Variants in LIMK1 observed in about 807,000 individuals in gnomAD.
LIMK1 encodes the protein LIM domain kinase 1.
A neutral mutation model predicts 77.6 loss-of-function variants in LIMK1; 21 were observed. That is an observed-to-expected ratio of 0.27 (90% CI 0.19 to 0.39). The LOEUF (loss-of-function observed/expected upper bound fraction) is 0.39, where lower values mean the gene tolerates loss of function less well. Among genes scored for constraint, LIMK1 ranks in the 10% least tolerant of loss-of-function variants. The pLI, the probability that LIMK1 is intolerant of heterozygous loss-of-function variation, is 1.00. For synonymous variants in LIMK1, 358 were observed against 370.0 expected (o/e 0.97, Z 0.37); for missense variants, 696 against 901.6 (o/e 0.77, Z 2.92).
At chr7:74,084,216 C>T (rs998312338) in intron 1 of LIMK1, among the ~76,000 whole-genome samples, 171 bp downstream of exon 1, 3 of 151,780 alleles carry the variant, frequency 2.0e-5, no homozygotes, top group Non-Finnish European at 2.9e-5. Flanking sequence ...CCCGGGATCC[C>T]CCTCCCCGGC....
At chr7:74,097,272 G>A in intron 4 of LIMK1, 83 bp downstream of exon 4, 2 of 805,982 alleles carry the variant, frequency 2.5e-6, no homozygotes, top group Non-Finnish European at 3.9e-6. Context: ...CCACACCCGG[G>A]CCTCCTGCCC....
chr7:74,096,864 G>T (rs1274215466), intron 3 of LIMK1, 104 bp downstream of exon 3: 33 of 1,415,232 alleles, frequency 2.3e-5, no homozygotes, highest in Non-Finnish European at 2.9e-5. Context: ...TCTCCTTTTT[G>T]CTGGTCTTTG....
chr7:74,085,322 C>T lies in LIMK1; in HGVS notation c.56-426C>T, dbSNP rs1471244423. Among the ~76,000 whole-genome samples the T allele has an allele frequency of 3.9e-5, 6 of 152,224 alleles. No individual in the cohort carries two copies. In the East Asian group the frequency reaches 1.2e-3, roughly 29 times the overall value. On this transcript the variant is annotated intron_variant, in intron 1 of 15. Transcript: ENST00000336180. Reference sequence around the variant, plus strand: ...CAGCCCAGGATGCACTAATCCAGCCCTGTCCAGTCCCTGCCTTTGAAGGGC... The same window carrying T: ...CAGCCCAGGATGCACTAATCCAGCCTTGTCCAGTCCCTGCCTTTGAAGGGC...
At chr7:74,088,571 C>T (rs1331546055) in intron 2 of LIMK1, among the ~76,000 whole-genome samples, 1 of 152,018 alleles carries the variant, frequency 6.6e-6, no homozygotes, top group Non-Finnish European at 1.5e-5. Context: ...GAGGCCGAGG[C>T]AGGCAGATCA....
intron 2 of LIMK1, among the ~76,000 whole-genome samples, chr7:74,087,897 G>GT (rs1342953818): frequency 2.0e-5 from 3 of 151,542 alleles, no homozygotes; most frequent in Non-Finnish European, 2.9e-5. Flanking sequence ...GCCTCGGTTT[G>GT]TTTTTTTGTT....
chr7:74,092,935 G>T (rs1799265182), intron 2 of LIMK1: 3 of 354,388 alleles, frequency 8.5e-6, no homozygotes, highest in Middle Eastern at 7.8e-4. Flanking sequence ...AGGCTGAGGA[G>T]CCTACAGCGT....
At chr7:74,118,238 G>A (rs1264076880) in intron 13 of LIMK1, among the ~76,000 whole-genome samples, 17 of 151,548 alleles carry the variant, frequency 1.1e-4, no homozygotes, top group African/African-American at 3.4e-4. Context: ...TTAGCTGGGC[G>A]TGGTTGCACG....
chr7:74,111,609 C>T (rs782441504), intron 10 of LIMK1, 39 bp from the exon 11 acceptor site: 1 of 1,577,548 alleles, frequency 6.3e-7, no homozygotes, highest in East Asian at 2.3e-5. Context: ...CATCGGGGCC[C>T]CCACCGGCCC....
chr7:74,111,422 A>T (rs1554698603), intron 10 of LIMK1: 1 of 541,742 alleles, frequency 1.8e-6, no homozygotes, highest in Non-Finnish European at 3.3e-6. Flanking sequence ...TGGGTGACAG[A>T]GTGAGACTCC....
At chr7:74,109,078 C>T (rs554352434) in intron 10 of LIMK1, 42 bp downstream of exon 10, 33 of 1,503,662 alleles carry the variant, frequency 2.2e-5, no homozygotes, top group African/African-American at 4.1e-5. Flanking sequence ...TGTGCGGCCC[C>T]GGGCAAAGCA....
intron 13 of LIMK1, among the ~76,000 whole-genome samples, chr7:74,117,693 C>T (rs888379034): frequency 6.6e-6 from 1 of 152,054 alleles, no homozygotes; most frequent in African/African-American, 2.4e-5. Context: ...GCCTGTGGTC[C>T]CAGCTACTCA....
intron 3 of LIMK1, 103 bp from the exon 4 acceptor site, chr7:74,096,977 C>T: frequency 9.3e-7 from 1 of 1,075,570 alleles, no homozygotes; most frequent in Non-Finnish European, 1.3e-6. Context: ...CGGGTCCCTG[C>T]AGTTGTTTTT....
intron 4 of LIMK1, among the ~76,000 whole-genome samples, chr7:74,097,788 C>G (rs1334977423): frequency 1.3e-5 from 2 of 152,242 alleles, no homozygotes; most frequent in Non-Finnish European, 2.9e-5. Context: ...CCATCCCCAG[C>G]ATAACTGCTC....
intron 13 of LIMK1, among the ~76,000 whole-genome samples, chr7:74,117,836 A>G (rs934829050): frequency 6.6e-6 from 1 of 152,104 alleles, no homozygotes; most frequent in Non-Finnish European, 1.5e-5. Flanking sequence ...GGCCAGGCAC[A>G]GTGGCTCACA....
intron 12 of LIMK1, among the ~76,000 whole-genome samples, chr7:74,115,110 G>T (rs1177305027): frequency 1.3e-5 from 2 of 151,504 alleles, no homozygotes; most frequent in Admixed American, 6.6e-5. Flanking sequence ...GCCAAGCACA[G>T]GACCTGGGTC....
intron 7 of LIMK1, 115 bp from the exon 8 acceptor site, chr7:74,106,895 G>A (rs1223848253): frequency 9.5e-7 from 1 of 1,053,986 alleles, no homozygotes; most frequent in Non-Finnish European, 1.3e-6. Flanking sequence ...AAAGCAGGGG[G>A]TGATTGCATA....
At chr7:74,121,100 A>G (rs782741574) in intron 15 of LIMK1, 39 bp from the exon 16 acceptor site, 1 of 1,599,484 alleles carries the variant, frequency 6.3e-7, no homozygotes, top group Non-Finnish European at 8.5e-7. Flanking sequence ...GATTCCCGGG[A>G]CAGCCAGACC....
At chr7:74,113,754 G>A (rs1241971975) in intron 12 of LIMK1, among the ~76,000 whole-genome samples, 1 of 151,998 alleles carries the variant, frequency 6.6e-6, no homozygotes, top group African/African-American at 2.4e-5. Flanking sequence ...TTCATACAGA[G>A]CCCTCATGAC....
At chr7:74,120,672 G>A (rs1554700390) in intron 14 of LIMK1, 34 bp downstream of exon 14, 1 of 1,611,198 alleles carries the variant, frequency 6.2e-7, no homozygotes, top group Non-Finnish European at 8.5e-7. Context: ...CGGTGTTGAG[G>A]CCTGGGCTCC....
Sources: gnomAD v4.1 joint callset for allele counts (sites outside exome capture counted in the v4.1 genomes callset) on GRCh38, gnomAD v4.1.1 for gene constraint, MANE v1.5 for transcripts, NCBI Gene and HGNC (gene_info 2026-07-23, HGNC 2026-07-21) for gene names.